Variants in CPAP observed in about 807,000 individuals in gnomAD.
CPAP encodes the protein centrosome assembly and centriole elongation protein.
chr13:24,908,114 A>G, the CPAP span: 1 of 1,611,026 alleles, frequency 6.2e-7, no homozygotes, highest in Non-Finnish European at 8.5e-7. Flanking sequence ...CTCCCAACAT[A>G]AGATACTTTC....
the CPAP span, chr13:24,910,206 T>C: frequency 8.7e-5 from 80 of 922,180 alleles, no homozygotes; most frequent in Admixed American, 1.5e-3. Context: ...TTTTTCCCTT[T>C]ATTAGGAAAT....
the CPAP span, among the ~76,000 whole-genome samples, chr13:24,920,515 CTTT>C: frequency 1.3e-5 from 2 of 151,948 alleles, no homozygotes; most frequent in Non-Finnish European, 2.9e-5. Context: ...CTGTATCACA[CTTT>C]GAGAACCACA....
chr13:24,892,641 A>C, the CPAP span: 1 of 1,613,100 alleles, frequency 6.2e-7, no homozygotes, highest in South Asian at 1.1e-5. Context: ...CTCCCTGCCT[A>C]CCGCAAGCTT....
chr13:24,914,106 A>C, the CPAP span, among the ~76,000 whole-genome samples: 1 of 152,220 alleles, frequency 6.6e-6, no homozygotes, highest in Non-Finnish European at 1.5e-5. Flanking sequence ...CAAAGGGGAA[A>C]AATAAAAGCC....
At chr13:24,933,946 A>C in the CPAP span, among the ~76,000 whole-genome samples, 1 of 138,648 alleles carries the variant, frequency 7.2e-6, no homozygotes, top group African/African-American at 2.9e-5. Flanking sequence ...GGCTGGTCTT[A>C]AACTCCTGAC....
chr13:24,905,588 G>T, the CPAP span: 1 of 1,614,100 alleles, frequency 6.2e-7, no homozygotes, highest in Non-Finnish European at 8.5e-7. Context: ...CCCATAAGTG[G>T]ATTCATTCCC....
At chr13:24,931,151 C>T in the CPAP span, among the ~76,000 whole-genome samples, 20 of 151,982 alleles carry the variant, frequency 1.3e-4, no homozygotes, top group African/African-American at 4.6e-4. Context: ...TGTTTCTTTC[C>T]GATCTTTTTC....
chr13:24,910,194 AT>A, the CPAP span: 7 of 999,762 alleles, frequency 7.0e-6, no homozygotes, highest in Non-Finnish European at 9.3e-6. Context: ...TGACAACAGT[AT>A]TTTTTCCCTT....
At chr13:24,885,229 C>G in the CPAP span, 1 of 1,253,216 alleles carries the variant, frequency 8.0e-7, no homozygotes, top group Non-Finnish European at 1.2e-6. Flanking sequence ...TATTTTAACC[C>G]ATGTTTATTT....
At chr13:24,899,635 G>A in the CPAP span, 1 of 1,461,174 alleles carries the variant, frequency 6.8e-7, no homozygotes, top group South Asian at 1.1e-5. Flanking sequence ...TCAGTGCAGT[G>A]ATGTGCAGAA....
chr13:24,915,943 C>A, the CPAP span, among the ~76,000 whole-genome samples: 1 of 152,182 alleles, frequency 6.6e-6, no homozygotes, highest in Non-Finnish European at 1.5e-5. Flanking sequence ...GAACTGAGAA[C>A]TGACCTCTGA....
chr13:24,929,762 C>T, the CPAP span, among the ~76,000 whole-genome samples: 1 of 152,156 alleles, frequency 6.6e-6, no homozygotes, highest in Non-Finnish European at 1.5e-5. Flanking sequence ...TGCTGGTACA[C>T]TTGATGGTGT....
chr13:24,932,132 G>A, the CPAP span, among the ~76,000 whole-genome samples: 1 of 152,134 alleles, frequency 6.6e-6, no homozygotes, highest in Non-Finnish European at 1.5e-5. Context: ...CACTGAACCC[G>A]GACCCGCGAT....
At chr13:24,890,360 G>A in the CPAP span, among the ~76,000 whole-genome samples, 21 of 152,044 alleles carry the variant, frequency 1.4e-4, no homozygotes, top group Non-Finnish European at 2.4e-4. Context: ...TTCTCATTAC[G>A]CTCCTGTCTT....
At chr13:24,899,657 G>T in the CPAP span, 2 of 1,062,096 alleles carry the variant, frequency 1.9e-6, no homozygotes, top group Non-Finnish European at 2.9e-6. Flanking sequence ...CTGCTGACAG[G>T]CTAGTAACTG....
chr13:24,906,452 G>C, the CPAP span: 150 of 1,614,076 alleles, frequency 9.3e-5, no homozygotes, highest in Admixed American at 1.7e-4. Flanking sequence ...CGGCCCTGTT[G>C]AAAGAGGAAG....
the CPAP span, chr13:24,903,941 G>A: frequency 6.2e-7 from 1 of 1,613,962 alleles, no homozygotes; most frequent in Non-Finnish European, 8.5e-7. Flanking sequence ...TTTTTCCAAG[G>A]CACTTTCTCG....
the CPAP span, among the ~76,000 whole-genome samples, chr13:24,909,217 T>A: frequency 6.6e-6 from 1 of 152,064 alleles, no homozygotes; most frequent in Non-Finnish European, 1.5e-5. Context: ...ACCGATGAAT[T>A]AACTCTAAAT....
At chr13:24,885,866 A>G in the CPAP span, 128 of 580,710 alleles carry the variant, frequency 2.2e-4, no homozygotes, top group Non-Finnish European at 3.7e-4. Flanking sequence ...CAAGAAAGAC[A>G]GTATCTTGTC....
Sources: gnomAD v4.1 joint callset for allele counts (sites outside exome capture counted in the v4.1 genomes callset) on GRCh38, gnomAD v4.1.1 for gene constraint, MANE v1.5 for transcripts, NCBI Gene and HGNC (gene_info 2026-07-23, HGNC 2026-07-21) for gene names.